The following PDE5A variants were observed in gnomAD, a reference collection of about 807,000 sequenced individuals.
PDE5A encodes the protein cGMP-specific 3',5'-cyclic phosphodiesterase.
PDE5A carries 67 observed loss-of-function variants against 110.2 expected under a neutral mutation model. That is an observed-to-expected ratio of 0.61 (90% CI 0.50 to 0.75). The LOEUF (loss-of-function observed/expected upper bound fraction) is 0.75, where lower values mean the gene tolerates loss of function less well. PDE5A is among the 30% of genes least tolerant of loss of function. The probability of loss-of-function intolerance (pLI) is 0.00; values close to 1 mark genes in which losing one functional copy is unlikely to be tolerated. For missense variants in PDE5A, 862 were observed against 1,045.1 expected (o/e 0.82, Z 2.42); for synonymous variants, 328 against 351.2 (o/e 0.93, Z 0.74).
chr4:119,574,268 T>C (rs1333184920), intron 3 of PDE5A, among the ~76,000 whole-genome samples: 1 of 136,710 alleles, frequency 7.3e-6, no homozygotes, highest in Non-Finnish European at 1.5e-5. Context: ...CTGCAACCTC[T>C]GGCTCCCGGG....
At chr4:119,620,037 T>C (rs1425639181) in intron 1 of PDE5A, among the ~76,000 whole-genome samples, 1 of 152,182 alleles carries the variant, frequency 6.6e-6, no homozygotes, top group Admixed American at 6.5e-5. Context: ...GGCCCTGGCA[T>C]TTAGTGTCTG....
chr4:119,610,564 A>C (rs1171341655), intron 1 of PDE5A, among the ~76,000 whole-genome samples: 1 of 152,100 alleles, frequency 6.6e-6, no homozygotes, highest in Non-Finnish European at 1.5e-5. Context: ...TATCTAGACC[A>C]CTTAAAATGG....
intron 11 of PDE5A, among the ~76,000 whole-genome samples, chr4:119,531,066 C>T (rs1726516217): frequency 6.6e-6 from 1 of 152,088 alleles, no homozygotes; most frequent in Non-Finnish European, 1.5e-5. Flanking sequence ...AAAGCAGTGA[C>T]CAAAAAGTTT....
At chr4:119,549,008 G>A (rs978259114) in intron 9 of PDE5A, 3 of 152,164 alleles carry the variant, frequency 2.0e-5, no homozygotes, top group Admixed American at 2.0e-4. Flanking sequence ...TCAAACTTAA[G>A]CGATATAACA....
intron 13 of PDE5A, among the ~76,000 whole-genome samples, 160 bp downstream of exon 13, chr4:119,520,775 T>A (rs1726098518): frequency 6.6e-6 from 1 of 151,962 alleles, no homozygotes; most frequent in Non-Finnish European, 1.5e-5. Context: ...TTTTGCCAGA[T>A]TAGTCCTCTT....
intron 3 of PDE5A, among the ~76,000 whole-genome samples, chr4:119,584,050 C>T (rs996863051): frequency 1.2e-4 from 18 of 152,248 alleles, no homozygotes; most frequent in African/African-American, 3.4e-4. Context: ...TGAGATCTGG[C>T]GCACAAATGG....
chr4:119,533,691 T>G (rs1389200177), intron 11 of PDE5A, among the ~76,000 whole-genome samples: 1 of 152,120 alleles, frequency 6.6e-6, no homozygotes, highest in Non-Finnish European at 1.5e-5. Flanking sequence ...CCTTTAAATC[T>G]CAATAAGAAA....
chr4:119,548,697 G>A (rs1178323190), intron 9 of PDE5A: 2 of 152,018 alleles, frequency 1.3e-5, no homozygotes, highest in African/African-American at 4.8e-5. Flanking sequence ...TATTAAATCT[G>A]TAATCTTTAC....
chr4:119,544,006 G>A (rs769720143), intron 9 of PDE5A, among the ~76,000 whole-genome samples: 15 of 151,908 alleles, frequency 9.9e-5, no homozygotes, highest in Non-Finnish European at 2.2e-4. Context: ...CATATAGTAG[G>A]AACTAAAAAA....
At chr4:119,593,893 G>A (rs369203908) in intron 3 of PDE5A, among the ~76,000 whole-genome samples, 3 of 152,038 alleles carry the variant, frequency 2.0e-5, no homozygotes, top group Non-Finnish European at 2.9e-5. Flanking sequence ...CACCTTGGGC[G>A]GCAGGATGGT....
intron 2 of PDE5A, among the ~76,000 whole-genome samples, chr4:119,602,620 A>G (rs1729384149): frequency 6.6e-6 from 1 of 152,208 alleles, no homozygotes; most frequent in Non-Finnish European, 1.5e-5. Flanking sequence ...AACAATTGCT[A>G]GGGGTTTTCT....
intron 3 of PDE5A, among the ~76,000 whole-genome samples, chr4:119,595,573 C>T (rs188428757): frequency 1.8e-4 from 28 of 152,320 alleles, no homozygotes; most frequent in Admixed American, 1.5e-3. Flanking sequence ...GCATATATTG[C>T]TCTCTCTTCG....
intron 9 of PDE5A, among the ~76,000 whole-genome samples, chr4:119,547,100 G>T (rs1225068494): frequency 3.2e-5 from 4 of 125,704 alleles, no homozygotes; most frequent in Non-Finnish European, 6.6e-5. Context: ...ATTTCTTTGG[G>T]CAATAGTTTT....
intron 3 of PDE5A, among the ~76,000 whole-genome samples, chr4:119,578,743 A>C (rs1164147611): frequency 6.6e-6 from 1 of 152,190 alleles, no homozygotes; most frequent in Non-Finnish European, 1.5e-5. Context: ...CCCTAGAAGA[A>C]AACCTAGGCA....
intron 11 of PDE5A, among the ~76,000 whole-genome samples, chr4:119,537,094 T>C (rs899141935): frequency 4.6e-5 from 7 of 152,122 alleles, no homozygotes; most frequent in Non-Finnish European, 1.0e-4. Flanking sequence ...ATCTCTTCAC[T>C]GTCTTGCATT....
rs1361353144 is a variant in PDE5A, at chr4:119,607,273, A to G, written c.177T>C (p.Ala59=). 3 of 1,611,732 alleles carry G rather than the reference A, an allele frequency of 1.9e-6. No individual in the cohort carries two copies. In the Admixed American group the frequency reaches 5.0e-5, roughly 27 times the overall value. ...ACACAGGGATGGTGTGAACTCTCTC[A>G]GCAAACCATGCATTGACCATTTCTC... The part of the protein sequence containing the change: ...ATREMVNAWF[A]ERVHTIPVCK... The change falls in exon 2 of 21, where the codon GCT becomes GCC. Residue 59 remains alanine (A), a synonymous_variant. Coordinates refer to ENST00000354960, the MANE Select transcript of PDE5A (RefSeq NM_001083.4).
In PDE5A at chr4:119,560,353, GA is replaced by G; in HGVS notation, c.1141del (p.Ser381LeufsTer11). 1 of 1,580,282 alleles carries G rather than the reference GA, an allele frequency of 6.3e-7. No homozygotes were observed. The highest frequency in any genetic ancestry group is 8.6e-7 in the Non-Finnish European group (1 of 1,163,726). On this transcript the variant is annotated frameshift_variant, in exon 7 of 21. Transcript: ENST00000354960. LOFTEE classifies it high-confidence loss of function. ...CTCACACTCCATGTGAAACACACTAGAAAAAGAATCCTAAAAACAGACAACA... is the reference window on the plus strand; with the variant it reads ...CTCACACTCCATGTGAAACACACTAGAAAAGAATCCTAAAAACAGACAACA... ...IVDEDCSDSF[S>X]SVFHMECEEL...
intron 3 of PDE5A, among the ~76,000 whole-genome samples, chr4:119,574,746 T>A (rs751865598): frequency 2.3e-4 from 35 of 151,878 alleles, no homozygotes; most frequent in Non-Finnish European, 3.8e-4. Context: ...TATGCAACAT[T>A]AAAAAAAATC....
chr4:119,514,574 C>A (rs1469050426), intron 14 of PDE5A, among the ~76,000 whole-genome samples: 1 of 151,276 alleles, frequency 6.6e-6, no homozygotes, highest in Non-Finnish European at 1.5e-5. Flanking sequence ...CCTCAGAATT[C>A]TCTGACCTCC....
Sources: allele counts gnomAD v4.1 joint callset (sites outside exome capture counted in the v4.1 genomes callset), GRCh38; gene constraint gnomAD v4.1.1; transcripts MANE v1.5; gene names NCBI Gene and HGNC (gene_info 2026-07-23, HGNC 2026-07-21).